The following MAML2 variants were observed in gnomAD, a reference collection of about 807,000 sequenced individuals.
MAML2 encodes the protein mastermind like transcriptional coactivator 2.
Under a neutral mutation model 96.1 loss-of-function variants are expected in MAML2, and 22 were observed. The observed-to-expected ratio is 0.23, with a 90% CI of 0.16 to 0.33. MAML2 has a LOEUF of 0.33. Among genes scored for constraint, MAML2 ranks in the 10% least tolerant of loss-of-function variants. The pLI, the probability that MAML2 is intolerant of heterozygous loss-of-function variation, is 1.00. For synonymous variants in MAML2, 561 were observed against 521.3 expected (o/e 1.08, Z -1.04); for missense variants, 1,367 against 1,392.4 (o/e 0.98, Z 0.29).
intron 2 of MAML2, among the ~76,000 whole-genome samples, chr11:96,032,140 TA>T (rs1202580522): frequency 8.5e-5 from 13 of 152,060 alleles, no homozygotes; most frequent in African/African-American, 2.9e-4. Context: ...CTGGCAAGAA[TA>T]TGGATCAACT....
At chr11:96,280,622 G>A (rs538982605) in intron 1 of MAML2, among the ~76,000 whole-genome samples, 27 of 152,256 alleles carry the variant, frequency 1.8e-4, no homozygotes, top group East Asian at 9.6e-4. Context: ...GTCTGGGCTC[G>A]CACCCTCCCT....
rs188480780 is a variant in MAML2, at chr11:96,278,330, G to A, written c.513+63053C>T. ...AATTAATCTCTTTCATGCATGCCTC[G>A]TGCTCTGGAAAAAGTAAAACAGATT... is the stretch of plus-strand genomic sequence containing the variant. On this transcript the variant is annotated intron_variant, in intron 1 of 4. Transcript: ENST00000524717. Among the ~76,000 whole-genome samples the A allele has an allele frequency of 5.3e-5, 8 of 152,148 alleles. No homozygotes were observed. In the East Asian group the frequency reaches 5.8e-4, roughly 11 times the overall value.
chr11:96,176,797 T>C (rs1861394312), intron 1 of MAML2, among the ~76,000 whole-genome samples: 1 of 152,146 alleles, frequency 6.6e-6, no homozygotes, highest in Non-Finnish European at 1.5e-5. Flanking sequence ...ACTTTAATCT[T>C]TCCAGGGTTT....
At chr11:96,323,558 G>A (rs2136012879) in intron 1 of MAML2, among the ~76,000 whole-genome samples, 1 of 151,396 alleles carries the variant, frequency 6.6e-6, no homozygotes, top group South Asian at 2.1e-4. Context: ...CTGTCTTCAA[G>A]GCACTTACAA....
intron 1 of MAML2, among the ~76,000 whole-genome samples, chr11:96,333,791 G>A (rs1863882805): frequency 1.3e-5 from 2 of 152,096 alleles, no homozygotes; most frequent in East Asian, 1.9e-4. Flanking sequence ...TGTGGCTCTA[G>A]GACCAAATTC....
intron 2 of MAML2, among the ~76,000 whole-genome samples, chr11:96,019,437 G>T (rs1233017580): frequency 6.6e-6 from 1 of 152,042 alleles, no homozygotes; most frequent in Non-Finnish European, 1.5e-5. Context: ...TCAACATGGG[G>T]TCCTCTGGGT....
Position 96,075,712 on chromosome 11 carries a change from A to G in MAML2, c.2139+16180T>C, listed in dbSNP as rs1378890812. 2.6e-5 allele frequency among the ~76,000 whole-genome samples: 4 copies of G among 152,198 alleles called. No individual in the cohort carries two copies. In the East Asian group the frequency reaches 7.7e-4, roughly 29 times the overall value. ...TGGCTTCCCAAAGGAAGTGATGTTT[A>G]AGGGGAAACCTGACTGATGAATAGG... On this transcript the variant is annotated intron_variant, in intron 2 of 4. Transcript: ENST00000524717.
intron 1 of MAML2, among the ~76,000 whole-genome samples, chr11:96,137,440 C>T (rs1860653404): frequency 6.6e-6 from 1 of 152,222 alleles, no homozygotes; most frequent in African/African-American, 2.4e-5. Flanking sequence ...AACCCAATTC[C>T]TTTGTCTCTT....
chr11:96,257,671 C>T (rs1862686932), intron 1 of MAML2, among the ~76,000 whole-genome samples: 1 of 151,304 alleles, frequency 6.6e-6, no homozygotes, highest in Non-Finnish European at 1.5e-5. Flanking sequence ...GTGCATATTT[C>T]ATGCACAAGG....
chr11:96,030,215 A>G (rs1342837570), intron 2 of MAML2, among the ~76,000 whole-genome samples: 1 of 151,970 alleles, frequency 6.6e-6, no homozygotes, highest in Non-Finnish European at 1.5e-5. Context: ...CAGCCTGGGC[A>G]ACAGAGTGAG....
At chr11:96,121,780 A>ATTTTTTTTTTTTTTTTTGTTTTTTTT (rs1860346846) in intron 1 of MAML2, among the ~76,000 whole-genome samples, 1 of 35,238 alleles carries the variant, frequency 2.8e-5, no homozygotes, top group South Asian at 1.3e-3. Flanking sequence ...CAACTGCGTG[A>ATTTTTTTTTTTTTTTTTGTTTTTTTT]TTTTTTTTTT....
rs570598432 is a variant in MAML2 at position 96,339,014 on chromosome 11, C to T, written c.513+2369G>A. On this transcript the variant is annotated intron_variant, in intron 1 of 4. Coordinates refer to ENST00000524717, the MANE Select transcript of MAML2 (RefSeq NM_032427.4). ...CTCTGAGTACCGTGCTGAGTAACAA[C>T]GGGCCAAATTTAGCAGCTAAAATGG... Among the ~76,000 whole-genome samples, 5 of 152,246 alleles carry T rather than the reference C, an allele frequency of 3.3e-5. No individual in the cohort carries two copies. In the East Asian group the frequency reaches 5.8e-4, roughly 18 times the overall value.
intron 3 of MAML2, among the ~76,000 whole-genome samples, chr11:95,986,489 C>A (rs770649632): frequency 6.6e-6 from 1 of 152,024 alleles, no homozygotes; most frequent in Non-Finnish European, 1.5e-5. Flanking sequence ...CATGAACAAC[C>A]GCGCCCAGCT....
intron 1 of MAML2, among the ~76,000 whole-genome samples, chr11:96,334,788 C>T (rs1319664286): frequency 2.0e-5 from 3 of 152,336 alleles, no homozygotes; most frequent in East Asian, 3.9e-4. Flanking sequence ...TTTGCTAAAA[C>T]ATTAAGACCT....
At chr11:96,244,233 T>C (rs1424970077) in intron 1 of MAML2, among the ~76,000 whole-genome samples, 1 of 152,220 alleles carries the variant, frequency 6.6e-6, no homozygotes, top group Non-Finnish European at 1.5e-5. Flanking sequence ...TAAGGGCACT[T>C]ACCAAGAAAC....
intron 2 of MAML2, among the ~76,000 whole-genome samples, chr11:95,999,020 C>T (rs111508414): frequency 3.9e-5 from 6 of 152,214 alleles, no homozygotes; most frequent in African/African-American, 1.4e-4. Flanking sequence ...ATTACCTGTC[C>T]TCTGTGTTAA....
intron 1 of MAML2, among the ~76,000 whole-genome samples, chr11:96,239,573 T>TTTCTC (rs34366242): frequency 8.2e-4 from 1 of 1,214 alleles, no homozygotes; most frequent in East Asian, 9.3e-3. Context: ...GTATCTTGAG[T>TTTCTC]TTATGTTTTT....
intron 1 of MAML2, among the ~76,000 whole-genome samples, chr11:96,255,721 A>G (rs1862655621): frequency 6.6e-6 from 1 of 152,186 alleles, no homozygotes; most frequent in Non-Finnish European, 1.5e-5. Context: ...TGAGGGAATG[A>G]CAAAGCCACA....
At chr11:96,128,014 T>C (rs1193473794) in intron 1 of MAML2, among the ~76,000 whole-genome samples, 1 of 152,234 alleles carries the variant, frequency 6.6e-6, no homozygotes, top group Non-Finnish European at 1.5e-5. Flanking sequence ...GTCACCTGGA[T>C]ATCTTGTTAC....
Sources: gnomAD v4.1 joint callset for allele counts (sites outside exome capture counted in the v4.1 genomes callset) on GRCh38, gnomAD v4.1.1 for gene constraint, MANE v1.5 for transcripts, NCBI Gene and HGNC (gene_info 2026-07-23, HGNC 2026-07-21) for gene names.